Variants in MTARC1 observed in about 807,000 individuals in gnomAD.
MTARC1 encodes the protein mitochondrial amidoxime reducing component 1.
A neutral mutation model predicts 33.6 loss-of-function variants in MTARC1; 24 were observed. The ratio of observed to expected loss-of-function variants is 0.72; its 90% CI spans 0.52 to 1.01. The LOEUF (loss-of-function observed/expected upper bound fraction) is 1.01, where lower values mean the gene tolerates loss of function less well. Among genes scored for constraint, MTARC1 ranks in the 50% least tolerant of loss-of-function variants. The pLI is 0.00. For missense variants in MTARC1, 417 were observed against 445.7 expected, an observed-to-expected ratio of 0.94 and a Z score of 0.58; for synonymous variants, 187 against 189.5, an observed-to-expected ratio of 0.99 and a Z score of 0.11.
chr1:220,810,101 A>T (rs1008783844), intron 6 of MTARC1, among the ~76,000 whole-genome samples: 2 of 152,178 alleles, frequency 1.3e-5, no homozygotes, highest in African/African-American at 4.8e-5. Context: ...TGCTCATTAG[A>T]ATAGTTATGT....
At chr1:220,808,844 CT>C in intron 6 of MTARC1, 1 of 471,070 alleles carries the variant, frequency 2.1e-6, no homozygotes. Flanking sequence ...TGGAATTTTT[CT>C]TTTCTTTCTT....
At chr1:220,809,789 T>A (rs1341977959) in intron 6 of MTARC1, among the ~76,000 whole-genome samples, 1 of 152,206 alleles carries the variant, frequency 6.6e-6, no homozygotes, top group Admixed American at 6.5e-5. Context: ...GGATTAACAA[T>A]GCTGTTTAAT....
chr1:220,790,460 CAG>C (rs1672387549), intron 1 of MTARC1, among the ~76,000 whole-genome samples: 1 of 152,186 alleles, frequency 6.6e-6, no homozygotes, highest in South Asian at 2.1e-4. Flanking sequence ...GAATATTAGA[CAG>C]AATATTCACC....
chr1:220,800,985 C>T (rs1417039107), intron 4 of MTARC1, among the ~76,000 whole-genome samples: 1 of 152,222 alleles, frequency 6.6e-6, no homozygotes, highest in African/African-American at 2.4e-5. Flanking sequence ...ACCCTTGACC[C>T]AGCCCTGCAC....
rs1242836164 is a variant in MTARC1 at position 220,797,994 on chromosome 1, G to A, written c.733G>A (p.Gly245Arg). 6.2e-7 allele frequency: 1 copy of A among 1,614,216 alleles called. No individual in the cohort carries two copies. Among genetic ancestry groups the A allele is most frequent in the East Asian group, 2.2e-5 (1 of 44,888 alleles). Residue 245 changes from glycine (G) to arginine (R), a missense_variant, in exon 4 of 7, where the codon GGA (glycine) becomes AGA (arginine). Gly to Arg is a moderately radical substitution (Grantham distance 125, BLOSUM62 -2). Coordinates refer to ENST00000366910, the MANE Select transcript of MTARC1 (RefSeq NM_022746.4). ...CTTCAGGCCCAATATTGTAATTTCAGGATGCGATGTCTATGCAGAGGTAAC... is the reference window on the plus strand; with the variant it reads ...CTTCAGGCCCAATATTGTAATTTCAAGATGCGATGTCTATGCAGAGGTAAC... ...TNFRPNIVISGCDVYAEDSWD... is the reference protein window; with the variant it reads ...TNFRPNIVISRCDVYAEDSWD...
rs572693824 is a variant in MTARC1 at position 220,787,086 on chromosome 1, C to T, written c.142C>T (p.Arg48Cys). The T allele has an allele frequency of 1.4e-5, 21 of 1,504,390 alleles. No individual in the cohort carries two copies. In the African/African-American group the frequency reaches 3.1e-4, roughly 22 times the overall value. The allele number at this position is 1,504,390 out of a possible 1,614,324, so 93.2% of individuals were successfully genotyped here. A position where few individuals can be genotyped will look rare whatever the true frequency, so the allele number is the denominator to read the frequency against. The change falls in exon 1 of 7, where the codon CGC becomes TGC. Residue 48 changes from arginine to cysteine, a missense_variant. By Grantham distance (180) the Arg-to-Cys change is radical. Transcript: ENST00000366910. Reference protein sequence around the residue: ...VAWRRAWPTRRRRLLQQVGTV... With the variant: ...VAWRRAWPTRCRRLLQQVGTV... ...CTGGCGCCGCGCATGGCCCACGCGGCGCCGGCGGCTGCTGCAGCAGGTGGG... is the reference window on the plus strand; with the variant it reads ...CTGGCGCCGCGCATGGCCCACGCGGTGCCGGCGGCTGCTGCAGCAGGTGGG...
intron 6 of MTARC1, among the ~76,000 whole-genome samples, chr1:220,807,630 T>C (rs1388438035): frequency 6.6e-6 from 1 of 152,012 alleles, no homozygotes; most frequent in East Asian, 1.9e-4. Flanking sequence ...TAGTCAAGTG[T>C]TAAGCTCAGA....
rs1482146702 is a variant in MTARC1 at position 220,787,453 on chromosome 1, G to A, written c.275+234G>A. On this transcript the variant is annotated intron_variant, in intron 1 of 6. Coordinates refer to ENST00000366910, the MANE Select transcript of MTARC1 (RefSeq NM_022746.4). ...GTGGACCCGTTTTCCCGGGGTGGGC[G>A]GATCTCCACCTCCCACTGGCTCTTT... is the stretch of plus-strand genomic sequence containing the variant. 2.0e-5 allele frequency among the ~76,000 whole-genome samples: 3 copies of A among 152,128 alleles called. No homozygotes were observed. The East Asian group carries it at 5.8e-4, about 29-fold the overall frequency.
At chr1:220,791,439 C>A in intron 1 of MTARC1, 52 bp from the exon 2 acceptor site, 1 of 1,583,328 alleles carries the variant, frequency 6.3e-7, no homozygotes, top group South Asian at 1.2e-5. Context: ...CCTCCAGGGT[C>A]TGGCTTCCTG....
At chr1:220,810,230 A>G (rs779266169) in intron 6 of MTARC1, among the ~76,000 whole-genome samples, 2 of 152,226 alleles carry the variant, frequency 1.3e-5, no homozygotes, top group Non-Finnish European at 1.5e-5. Flanking sequence ...TAGAAGACCC[A>G]TGTATGAAAG....
At chr1:220,798,365 G>A in intron 4 of MTARC1, 1 of 1,201,900 alleles carries the variant, frequency 8.3e-7, no homozygotes, top group Non-Finnish European at 1.1e-6. Flanking sequence ...TCTTGTTAAA[G>A]GATGGTCTTA....
chr1:220,795,651 A>G (rs1057196618), intron 2 of MTARC1, among the ~76,000 whole-genome samples: 3 of 152,204 alleles, frequency 2.0e-5, no homozygotes, highest in African/African-American at 7.2e-5. Flanking sequence ...TAAACCTTAT[A>G]TGGCTACCTG....
rs1673342620 is a variant in MTARC1 at position 220,819,404 on chromosome 1, A to G, written c.*5986A>G. 1 of 152,214 alleles carries G rather than the reference A, an allele frequency of 6.6e-6. No individual in the cohort carries two copies. Among genetic ancestry groups the G allele is most frequent in the Admixed American group, 6.5e-5 (1 of 15,282 alleles). 9.4% of individuals were successfully genotyped at this position (152,214 alleles called of 1,614,324 possible). On this transcript the variant is annotated 3_prime_UTR_variant, in exon 7 of 7. Coordinates refer to ENST00000366910, the MANE Select transcript of MTARC1 (RefSeq NM_022746.4). ...AGGCAGTCGAAGTCCTAGAGAATAT[A>G]TCTGGAGCTTTTGTGGGGCTAAGAG...
intron 2 of MTARC1, among the ~76,000 whole-genome samples, chr1:220,796,410 G>A (rs1672619015): frequency 6.6e-6 from 1 of 152,152 alleles, no homozygotes; most frequent in Non-Finnish European, 1.5e-5. Context: ...AGACACAGTT[G>A]TACAAAACTT....
intron 4 of MTARC1, among the ~76,000 whole-genome samples, chr1:220,803,680 C>G (rs1337181571): frequency 6.8e-6 from 1 of 147,106 alleles, no homozygotes; most frequent in East Asian, 2.1e-4. Flanking sequence ...GTGCTTATGA[C>G]TCAATCTCCA....
At chr1:220,792,177 A>G (rs1672445704) in intron 2 of MTARC1, among the ~76,000 whole-genome samples, 1 of 152,238 alleles carries the variant, frequency 6.6e-6, no homozygotes. Context: ...CTCTAGCTAG[A>G]AGAGTGATCC....
chr1:220,813,183 G>A (rs544683131), intron 6 of MTARC1, 109 bp from the exon 7 acceptor site: 734 of 1,435,800 alleles, frequency 5.1e-4, no homozygotes, highest in Admixed American at 9.2e-4. Flanking sequence ...ACGGGATGGT[G>A]CCCTCTCGAG....
intron 2 of MTARC1, chr1:220,793,226 A>G (rs1320995047): frequency 6.6e-6 from 1 of 152,180 alleles, no homozygotes; most frequent in Non-Finnish European, 1.5e-5. Flanking sequence ...AAATACTTAT[A>G]TTGCAATCTG....
chr1:220,809,787 A>G (rs1673072390), intron 6 of MTARC1, among the ~76,000 whole-genome samples: 2 of 152,160 alleles, frequency 1.3e-5, no homozygotes, highest in Admixed American at 1.3e-4. Flanking sequence ...TGGGATTAAC[A>G]ATGCTGTTTA....
Sources: allele counts gnomAD v4.1 joint callset (sites outside exome capture counted in the v4.1 genomes callset), GRCh38; gene constraint gnomAD v4.1.1; transcripts MANE v1.5; gene names NCBI Gene and HGNC (gene_info 2026-07-23, HGNC 2026-07-21).